The following NECTIN3 variants were observed in gnomAD, a reference collection of about 807,000 sequenced individuals.
NECTIN3 encodes the protein nectin-3.
In NECTIN3, 8 loss-of-function variants were observed where a neutral mutation model predicts 49.4. The observed-to-expected ratio is 0.16, with a 90% CI of 0.10 to 0.29. NECTIN3 has a LOEUF of 0.29. Among genes scored for constraint, NECTIN3 ranks in the 10% least tolerant of loss-of-function variants. The probability of loss-of-function intolerance (pLI) is 1.00; values close to 1 mark genes in which losing one functional copy is unlikely to be tolerated. For synonymous variants in NECTIN3, 277 were observed against 241.1 expected (o/e 1.15, Z -1.38); for missense variants, 581 against 654.6 (o/e 0.89, Z 1.23).
At chr3:111,187,749 A>C (rs1434973925), upstream of NECTIN3, among the ~76,000 whole-genome samples, 2 of 152,200 alleles carry the variant, frequency 1.3e-5, no homozygotes, top group African/African-American at 4.8e-5. Flanking sequence ...AAGGCAAAAC[A>C]ATAGAGACTG....
intron 1 of NECTIN3, among the ~76,000 whole-genome samples, chr3:111,078,797 A>C (rs1047380634): frequency 3.3e-5 from 5 of 151,996 alleles, no homozygotes; most frequent in East Asian, 1.9e-4. Flanking sequence ...TTTGAATTTG[A>C]GATGTTTGCA....
chr3:111,183,468 C>T (rs146450293), intron 7 of NECTIN3, among the ~76,000 whole-genome samples: 3 of 152,152 alleles, frequency 2.0e-5, no homozygotes, highest in East Asian at 1.9e-4. Context: ...CCCGCCACCA[C>T]ACCTGGCTAA....
chr3:111,076,804 G>A (rs2031230943), intron 1 of NECTIN3, among the ~76,000 whole-genome samples: 1 of 151,784 alleles, frequency 6.6e-6, no homozygotes, highest in African/African-American at 2.4e-5. Flanking sequence ...GCGAAACCCC[G>A]TCTTTACCAA....
chr3:111,163,123 G>A (rs2035248334), intron 7 of NECTIN3, among the ~76,000 whole-genome samples: 1 of 152,152 alleles, frequency 6.6e-6, no homozygotes, highest in African/African-American at 2.4e-5. Context: ...TTTGGTTCCT[G>A]GGATAACAAA....
chr3:111,089,381 T>C (rs1385979940), intron 1 of NECTIN3, among the ~76,000 whole-genome samples: 2 of 151,700 alleles, frequency 1.3e-5, no homozygotes, highest in African/African-American at 2.4e-5. Flanking sequence ...GATGGATAGT[T>C]AGATTACTGA....
At chr3:111,110,819 C>T (rs1407730400) in intron 1 of NECTIN3, among the ~76,000 whole-genome samples, 5 of 151,956 alleles carry the variant, frequency 3.3e-5, no homozygotes, top group African/African-American at 1.2e-4. Flanking sequence ...CCTCAGTCAT[C>T]TCTTAGGTGA....
chr3:111,169,254 T>G (rs1399319780), intron 7 of NECTIN3, among the ~76,000 whole-genome samples: 1 of 151,626 alleles, frequency 6.6e-6, no homozygotes, highest in Non-Finnish European at 1.5e-5. Flanking sequence ...CACGCCTGGC[T>G]AATTTTTTGT....
chr3:111,126,254 T>C lies in NECTIN3; in HGVS notation c.988T>C (p.Phe330Leu). ...TCTTCATTTTGTCCATCCATTGACT[T>C]TCAATTATTCTGGTGTTTATATCTG... ...NTLHFVHPLT[F>L]NYSGVYICKV... The change falls in exon 5 of 6, where the codon TTC (phenylalanine) becomes CTC (leucine). Residue 330 changes from phenylalanine to leucine, a missense_variant. Coordinates refer to ENST00000485303, the MANE Select transcript of NECTIN3 (RefSeq NM_015480.3). 2 of 1,610,532 alleles carry C rather than the reference T, an allele frequency of 1.2e-6. No homozygotes were observed. The highest frequency in any genetic ancestry group is 1.7e-6 in the Non-Finnish European group (2 of 1,178,930).
intron 7 of NECTIN3, among the ~76,000 whole-genome samples, chr3:111,175,405 T>C (rs148842155): frequency 2.5e-3 from 380 of 151,656 alleles, no homozygotes; most frequent in African/African-American, 8.6e-3. Flanking sequence ...TTTGTATCAG[T>C]ACCATGGGAG....
intron 1 of NECTIN3, among the ~76,000 whole-genome samples, chr3:111,100,711 CTT>C (rs1186429175): frequency 6.7e-6 from 1 of 150,172 alleles, no homozygotes; most frequent in Non-Finnish European, 1.5e-5. Flanking sequence ...AACTTTAAGA[CTT>C]TTTTAAAAAC....
At position 111,136,044 on chromosome 3, in the gene NECTIN3, CTG is replaced by C. The variant is rs2034563629; in HGVS notation, c.*1832_*1833del. The C allele has an allele frequency of 3.1e-6, 3 of 979,926 alleles. No individual in the cohort carries two copies. The highest frequency in any genetic ancestry group is 1.8e-5 in the African/African-American group (1 of 57,132). 60.7% of individuals were successfully genotyped at this position (979,926 alleles called of 1,614,324 possible). On this transcript the variant is annotated 3_prime_UTR_variant, in exon 6 of 6. Transcript: ENST00000485303. ...TGGAAGAAAACTTTTTGATAAAACA[CTG>C]TGATTGATGTGACTTTATTTTTAAT...
At chr3:111,176,124 G>T (rs557185466) in intron 7 of NECTIN3, among the ~76,000 whole-genome samples, 16 of 152,214 alleles carry the variant, frequency 1.1e-4, no homozygotes, top group Non-Finnish European at 2.2e-4. Context: ...ACTCTATTTG[G>T]CCATATGAAT....
chr3:111,194,122 C>T (rs531281984), intron 1 of NECTIN3, among the ~76,000 whole-genome samples: 91 of 152,144 alleles, frequency 6.0e-4, no homozygotes, highest in Non-Finnish European at 9.3e-4. Context: ...TCTTTACTAG[C>T]TAGATTAGCC....
chr3:111,174,681 G>A (rs1353433423), intron 7 of NECTIN3, among the ~76,000 whole-genome samples: 1 of 142,620 alleles, frequency 7.0e-6, no homozygotes, highest in South Asian at 2.3e-4. Context: ...CAGGGTTGTG[G>A]CTTGCCTGTT....
At chr3:111,143,793 T>G (rs1167752712) in intron 5 of NECTIN3, among the ~76,000 whole-genome samples, 2 of 152,032 alleles carry the variant, frequency 1.3e-5, no homozygotes, top group African/African-American at 4.8e-5. Flanking sequence ...TCTACCCTGC[T>G]CCAACCTAAC....
At chr3:111,105,372 A>G (rs1186234667) in intron 1 of NECTIN3, among the ~76,000 whole-genome samples, 1 of 151,638 alleles carries the variant, frequency 6.6e-6, no homozygotes, top group Non-Finnish European at 1.5e-5. Context: ...ACCTCAAGCA[A>G]TTTACCTGCC....
intron 7 of NECTIN3, among the ~76,000 whole-genome samples, chr3:111,159,806 T>A (rs2035174012): frequency 6.6e-6 from 1 of 152,214 alleles, no homozygotes; most frequent in Non-Finnish European, 1.5e-5. Context: ...TCAACTTAAT[T>A]AGCCCTGATT....
intron 7 of NECTIN3, among the ~76,000 whole-genome samples, chr3:111,150,031 T>G (rs1000281041): frequency 1.2e-4 from 18 of 152,032 alleles, no homozygotes; most frequent in Non-Finnish European, 1.9e-4. Flanking sequence ...TATATAGTAT[T>G]TTGAATATAG....
At chr3:111,083,865 T>C (rs975616692) in intron 1 of NECTIN3, among the ~76,000 whole-genome samples, 1 of 152,238 alleles carries the variant, frequency 6.6e-6, no homozygotes, top group Non-Finnish European at 1.5e-5. Context: ...GATATAGCCT[T>C]GTCTCTGATA....
Sources: gnomAD v4.1 joint callset for allele counts (sites outside exome capture counted in the v4.1 genomes callset) on GRCh38, gnomAD v4.1.1 for gene constraint, MANE v1.5 for transcripts, NCBI Gene and HGNC (gene_info 2026-07-23, HGNC 2026-07-21) for gene names.